Variants in SRGAP2B observed in about 807,000 individuals in gnomAD.
SRGAP2B encodes SLIT-ROBO Rho GTPase activating protein 2B.
Under a neutral mutation model 22.2 loss-of-function variants are expected in SRGAP2B, and 9 were observed. That is an observed-to-expected ratio of 0.41 (90% CI 0.24 to 0.71). SRGAP2B has a LOEUF of 0.71. Ranked by LOEUF, SRGAP2B falls within the 30% of genes least tolerant of loss-of-function variation. The pLI is 0.35. For missense variants in SRGAP2B, 114 were observed against 235.8 expected, an observed-to-expected ratio of 0.48 and a Z score of 3.38; for synonymous variants, 36 against 87.4, an observed-to-expected ratio of 0.41 and a Z score of 3.28.
At chr1:144,984,376 A>AAC (rs1669564973) in intron 3 of SRGAP2B, among the ~76,000 whole-genome samples, 1 of 149,102 alleles carries the variant, frequency 6.7e-6, no homozygotes, top group Non-Finnish European at 1.5e-5. Context: ...AAAAAAAAAA[A>AAC]AACAAAAAAG....
chr1:144,924,778 G>A (rs1664539405), intron 4 of SRGAP2B, among the ~76,000 whole-genome samples: 1 of 145,616 alleles, frequency 6.9e-6, no homozygotes, highest in Admixed American at 6.7e-5. Context: ...GCAGTTGTCA[G>A]GCGCAGTATC....
At chr1:145,076,116 T>C (rs1471983358) in intron 2 of SRGAP2B, among the ~76,000 whole-genome samples, 1 of 150,430 alleles carries the variant, frequency 6.6e-6, no homozygotes, top group Non-Finnish European at 1.5e-5. Context: ...GAAATATACA[T>C]GTATCTTCCC....
chr1:144,954,824 G>C (rs1667140341), intron 4 of SRGAP2B, among the ~76,000 whole-genome samples: 1 of 150,060 alleles, frequency 6.7e-6, no homozygotes, highest in Non-Finnish European at 1.5e-5. Context: ...AGCATTCAGA[G>C]ACCCAAAGAC....
At chr1:144,911,702 C>T (rs1254884293) in intron 5 of SRGAP2B, among the ~76,000 whole-genome samples, 2 of 148,530 alleles carry the variant, frequency 1.3e-5, no homozygotes, top group East Asian at 3.9e-4. Flanking sequence ...ACTGCAAGCT[C>T]TGCCTCCTGG....
intron 2 of SRGAP2B, among the ~76,000 whole-genome samples, chr1:145,007,883 T>A (rs1671723517): frequency 1.0e-5 from 1 of 100,290 alleles, no homozygotes; most frequent in Non-Finnish European, 1.9e-5. Context: ...CTCAGCCCAC[T>A]GCAACCTCTG....
chr1:144,955,569 C>A, exon 4 of SRGAP2B: 2 of 917,140 alleles, frequency 2.2e-6, no homozygotes, highest in Admixed American at 2.0e-5. Context: ...GAGATTCCAG[C>A]AGTTGACTGG....
intron 4 of SRGAP2B, among the ~76,000 whole-genome samples, chr1:144,923,598 GGAGA>G (rs1477837662): frequency 7.3e-6 from 1 of 137,568 alleles, no homozygotes; most frequent in Non-Finnish European, 1.5e-5. Context: ...CTTGGAACTG[GGAGA>G]GAATCGGGGG....
At chr1:145,082,265 A>G (rs1336179575) in intron 2 of SRGAP2B, among the ~76,000 whole-genome samples, 1 of 144,726 alleles carries the variant, frequency 6.9e-6, no homozygotes, top group Non-Finnish European at 1.5e-5. Context: ...TTGAAAAACC[A>G]TAAGGGACCA....
chr1:144,924,651 G>T (rs1235262273), intron 4 of SRGAP2B, among the ~76,000 whole-genome samples: 10 of 150,892 alleles, frequency 6.6e-5, no homozygotes, highest in Non-Finnish European at 1.3e-4. Flanking sequence ...AGAATGGCGT[G>T]AACCCGGGAG....
chr1:144,990,824 C>G (rs1448017782), intron 3 of SRGAP2B, among the ~76,000 whole-genome samples: 1 of 151,404 alleles, frequency 6.6e-6, no homozygotes, highest in Non-Finnish European at 1.5e-5. Flanking sequence ...ACTGAGTCCC[C>G]CAGCAGTGCC....
In SRGAP2B at chr1:144,965,799, G is replaced by A. The variant is rs587736793; in HGVS notation, c.261-10198C>T. Among the ~76,000 whole-genome samples the A allele has an allele frequency of 5.6e-5, 8 of 142,006 alleles. No homozygotes were observed. In the East Asian group the frequency reaches 1.6e-3, roughly 29 times the overall value. 93.2% of individuals were successfully genotyped at this position (142,006 alleles called of 152,430 possible). On this transcript the variant is annotated intron_variant, in intron 3 of 9. Transcript: ENST00000612199. ...CGAATACAGAGAAGTGCTTAAAGGA[G>A]CTGATGGAGCTGAAAACCAAGGCTC...
chr1:145,021,830 AAAG>A (rs1400593315), intron 2 of SRGAP2B, among the ~76,000 whole-genome samples: 6 of 144,222 alleles, frequency 4.2e-5, no homozygotes, highest in Admixed American at 6.8e-5. Context: ...AAAAAAAAAA[AAAG>A]AGTGATAGAT....
At chr1:145,075,810 G>A (rs587616805) in intron 2 of SRGAP2B, among the ~76,000 whole-genome samples, 5 of 148,912 alleles carry the variant, frequency 3.4e-5, no homozygotes, top group East Asian at 4.0e-4. Context: ...CTCTGAGGCC[G>A]GGCACGGTGG....
chr1:144,998,852 G>C (rs1477191179), intron 2 of SRGAP2B, among the ~76,000 whole-genome samples: 1 of 150,744 alleles, frequency 6.6e-6, no homozygotes, highest in South Asian at 2.1e-4. Flanking sequence ...ACAAACAATG[G>C]TCCCCAAGAA....
intron 2 of SRGAP2B, among the ~76,000 whole-genome samples, chr1:145,021,814 C>CAAA (rs71074453): frequency 2.8e-5 from 2 of 70,258 alleles, no homozygotes; most frequent in East Asian, 3.7e-4. Flanking sequence ...AACTCCGTCT[C>CAAA]AAAAAAAAAA....
At chr1:145,011,915 C>A (rs1183493498) in intron 2 of SRGAP2B, among the ~76,000 whole-genome samples, 2 of 150,434 alleles carry the variant, frequency 1.3e-5, no homozygotes, top group African/African-American at 5.0e-5. Flanking sequence ...CACCCTTACT[C>A]ACTGGCCCCC....
intron 2 of SRGAP2B, among the ~76,000 whole-genome samples, chr1:145,056,842 AC>A (rs1474519878): frequency 1.1e-3 from 68 of 63,432 alleles, no homozygotes; most frequent in African/African-American, 3.7e-3. Context: ...AGCCAAAAAA[AC>A]AATCAAATTC....
intron 3 of SRGAP2B, among the ~76,000 whole-genome samples, chr1:144,989,742 G>A (rs1670032166): frequency 6.7e-6 from 1 of 149,596 alleles, no homozygotes; most frequent in African/African-American, 2.5e-5. Flanking sequence ...GAGTAAACCA[G>A]CTATAAAGTG....
At chr1:144,925,726 GA>G (rs1368868034) in intron 4 of SRGAP2B, among the ~76,000 whole-genome samples, 2 of 79,164 alleles carry the variant, frequency 2.5e-5, no homozygotes, top group Admixed American at 1.4e-4. Context: ...GAGAGAGAAA[GA>G]AAAGAAAGAA....
Sources: gnomAD v4.1 joint callset for allele counts (sites outside exome capture counted in the v4.1 genomes callset) on GRCh38, gnomAD v4.1.1 for gene constraint, MANE v1.5 for transcripts, NCBI Gene and HGNC (gene_info 2026-07-23, HGNC 2026-07-21) for gene names.